Variants in HAS2 observed in about 807,000 individuals in gnomAD.
The protein encoded by HAS2 is HA synthase 2.
In HAS2, 16 loss-of-function variants were observed where a neutral mutation model predicts 51.6. That is an observed-to-expected ratio of 0.31 (90% CI 0.21 to 0.47). HAS2 has a LOEUF of 0.47. Among genes scored for constraint, HAS2 ranks in the 20% least tolerant of loss-of-function variants. HAS2 has a pLI of 1.00. For missense variants in HAS2, 361 were observed against 662.6 expected (o/e 0.54, Z 5.00); for synonymous variants, 228 against 235.5 (o/e 0.97, Z 0.29).
At chr8:121,633,493 C>G (rs1031594929) in intron 1 of HAS2, among the ~76,000 whole-genome samples, 1 of 152,110 alleles carries the variant, frequency 6.6e-6, no homozygotes, top group African/African-American at 2.4e-5. Flanking sequence ...GGCACTCACT[C>G]AAGTACAGAC....
rs1046274512 is a variant in HAS2 at position 121,612,951 on chromosome 8, A to G, written c.*1158T>C. On this transcript the variant is annotated 3_prime_UTR_variant, in exon 4 of 4. Coordinates refer to ENST00000303924, the MANE Select transcript of HAS2 (RefSeq NM_005328.3). ...GTAAAGTGAACTGGCAAGTTGAAAA[A>G]AAAAAAAAAGACAGGCAAAACATGT... 3.3e-5 allele frequency: 5 copies of G among 152,142 alleles called. No individual in the cohort carries two copies. The highest frequency in any genetic ancestry group is 2.6e-4 in the Admixed American group (4 of 15,276). 9.4% of individuals were successfully genotyped at this position (152,142 alleles called of 1,614,324 possible).
chr8:121,635,006 C>A (rs984797732), intron 1 of HAS2, among the ~76,000 whole-genome samples: 8 of 152,222 alleles, frequency 5.3e-5, no homozygotes, highest in Admixed American at 6.5e-5. Context: ...TCTATTAATC[C>A]ATATGCTGCT....
rs148768718 is a variant in HAS2, at chr8:121,628,840, G to A, written c.501C>T (p.Ser167=). Residue 167 remains serine, a synonymous_variant, in exon 2 of 4, where the codon AGC becomes AGT. Coordinates refer to ENST00000303924, the MANE Select transcript of HAS2 (RefSeq NM_005328.3). ...AGACCAATTGCGTTACGTGTTGCGAGCTTTCTTTATGTGACTCATCTGTCT... is the reference window on the plus strand; with the variant it reads ...AGACCAATTGCGTTACGTGTTGCGAACTTTCTTTATGTGACTCATCTGTCT... ...PGETDESHKE[S]SQHVTQLVLS... is the part of the protein sequence containing the mutation. 3.5e-5 allele frequency: 56 copies of A among 1,614,006 alleles called. No individual in the cohort carries two copies. The African/African-American group carries it at 6.8e-4, about 20-fold the overall frequency.
Position 121,629,130 on chromosome 8 carries a change from T to C in HAS2, c.211A>G (p.Met71Val), listed in dbSNP as rs1268387954. The C allele has an allele frequency of 1.9e-6, 3 of 1,614,108 alleles. No individual in the cohort carries two copies. The highest frequency in any genetic ancestry group is 1.1e-5 in the South Asian group (1 of 91,084). ...SLFAFLEHRKMKKSLETPIKL... is the reference protein window; with the variant it reads ...SLFAFLEHRKVKKSLETPIKL... ...ATGGGGGTTTCTAGGGATTTTTTCATTTTTCGGTGCTCCAAAAAGGCAAAC... is the reference window on the plus strand; with the variant it reads ...ATGGGGGTTTCTAGGGATTTTTTCACTTTTCGGTGCTCCAAAAAGGCAAAC... Residue 71 changes from methionine to valine, a missense_variant, in exon 2 of 4, where the codon ATG (methionine) becomes GTG (valine). Physicochemically the swap from Met to Val is conservative, Grantham distance 21. This residue lies in a region of HAS2 where 145 missense variants were observed against 217.6 expected (regional missense o/e 0.67). Coordinates refer to ENST00000303924, the MANE Select transcript of HAS2 (RefSeq NM_005328.3).
At chr8:121,615,116 T>C in intron 3 of HAS2, 78 bp from the exon 4 acceptor site, 2 of 908,568 alleles carry the variant, frequency 2.2e-6, no homozygotes, top group South Asian at 1.7e-5. Flanking sequence ...CTGAGGTTAC[T>C]ACCTGGAGTA....
At chr8:121,626,039 CAG>C (rs1407057038) in intron 2 of HAS2, among the ~76,000 whole-genome samples, 8 of 152,178 alleles carry the variant, frequency 5.3e-5, no homozygotes, top group African/African-American at 1.9e-4. Flanking sequence ...AAAGCTGAGA[CAG>C]AGTTAGAGCT....
At chr8:121,616,390 GATAT>G (rs1812701482) in intron 3 of HAS2, among the ~76,000 whole-genome samples, 1 of 150,186 alleles carries the variant, frequency 6.7e-6, no homozygotes, top group Non-Finnish European at 1.5e-5. Context: ...ATAGGTATAA[GATAT>G]ATACCAATTT....
chr8:121,619,481 C>T (rs1170281947), intron 2 of HAS2, among the ~76,000 whole-genome samples: 1 of 151,668 alleles, frequency 6.6e-6, no homozygotes, highest in Non-Finnish European at 1.5e-5. Flanking sequence ...TAAATGAAAC[C>T]CTATTGACTG....
chr8:121,629,116 T>C lies in HAS2; in HGVS notation c.225A>G (p.Leu75=), dbSNP rs1812895032. The C allele has an allele frequency of 1.2e-6, 2 of 1,614,040 alleles. No homozygotes were observed. Among genetic ancestry groups the C allele is most frequent in the Non-Finnish European group, 1.7e-6 (2 of 1,180,004 alleles). Residue 75 remains leucine (L), a synonymous_variant, in exon 2 of 4, where the codon CTA becomes CTG. Transcript: ENST00000303924. The part of the protein sequence containing the change: ...FLEHRKMKKS[L]ETPIKLNKTV... ...TTTTGTTCAACTTTATGGGGGTTTC[T>C]AGGGATTTTTTCATTTTTCGGTGCT...
chr8:121,633,936 A>T (rs1231239878), intron 1 of HAS2, among the ~76,000 whole-genome samples: 14 of 147,910 alleles, frequency 9.5e-5, no homozygotes, highest in Admixed American at 7.4e-4. Context: ...TTGAGACTGA[A>T]TTTCCCTCTT....
At chr8:121,624,655 A>G (rs1812817000) in intron 2 of HAS2, among the ~76,000 whole-genome samples, 1 of 152,234 alleles carries the variant, frequency 6.6e-6, no homozygotes, top group Admixed American at 6.5e-5. Flanking sequence ...GAAGATGTTC[A>G]TATTTGTTAT....
intron 1 of HAS2, among the ~76,000 whole-genome samples, chr8:121,636,967 C>T (rs1813017866): frequency 1.3e-5 from 2 of 152,200 alleles, no homozygotes; most frequent in African/African-American, 4.8e-5. Context: ...ATTCCATCCA[C>T]ACCCCTTATT....
intron 1 of HAS2, among the ~76,000 whole-genome samples, chr8:121,633,817 G>A (rs1812968250): frequency 6.6e-6 from 1 of 152,014 alleles, no homozygotes. Flanking sequence ...AGAGTGAAAT[G>A]TTGGATGAAA....
At chr8:121,617,285 A>T (rs1227678886) in intron 2 of HAS2, 79 bp from the exon 3 acceptor site, 29 of 793,036 alleles carry the variant, frequency 3.7e-5, no homozygotes, top group Non-Finnish European at 6.1e-5. Flanking sequence ...AATTTCACAT[A>T]CATACTGTGT....
chr8:121,617,204 A>C lies in HAS2; in HGVS notation c.630T>G (p.Val210=). 1 of 1,582,270 alleles carries C rather than the reference A, an allele frequency of 6.3e-7. No homozygotes were observed. Among genetic ancestry groups the C allele is most frequent in the Non-Finnish European group, 8.6e-7 (1 of 1,156,960 alleles). Residue 210 remains valine (V), a splice_region_variant and synonymous_variant, in exon 3 of 4, where the codon GTT becomes GTG. Transcript: ENST00000303924. ...ALGRSVDYVQ[V]CDSDTMLDPA... is the part of the protein sequence containing the mutation. ...GGTCAAGCATAGTGTCTGAATCACA[A>C]ACCTGCAAAGAAGCAAATGAAAAAT... is the stretch of plus-strand genomic sequence containing the variant.
Position 121,613,819 on chromosome 8 carries a change from T to G in HAS2, c.*290A>C, listed in dbSNP as rs1586500767. ...GATAACCCACATAAAGCATGGCTAG[T>G]GAGGTATATAGGGCAAAACACTTTC... On this transcript the variant is annotated 3_prime_UTR_variant, in exon 4 of 4. Coordinates refer to ENST00000303924, the MANE Select transcript of HAS2 (RefSeq NM_005328.3). The G allele has an allele frequency of 2.5e-6, 1 of 399,506 alleles. No individual in the cohort carries two copies. The highest frequency in any genetic ancestry group is 4.6e-6 in the Non-Finnish European group (1 of 216,564). The allele number at this position is 399,506 out of a possible 1,614,324, so 24.7% of individuals were successfully genotyped here.
At chr8:121,629,424 G>C (rs528060200) in intron 1 of HAS2, 84 bp from the exon 2 acceptor site, 3 of 1,080,386 alleles carry the variant, frequency 2.8e-6, no homozygotes, top group Non-Finnish European at 4.0e-6. Context: ...GAGAGTATTG[G>C]ACTAGAAGCA....
intron 3 of HAS2, among the ~76,000 whole-genome samples, chr8:121,616,569 G>A (rs994046372): frequency 6.6e-6 from 1 of 151,462 alleles, no homozygotes; most frequent in African/African-American, 2.4e-5. Flanking sequence ...CCAAGTAGCT[G>A]GGACTACAGT....
In HAS2 at chr8:121,637,390, CT is replaced by C. The variant is rs397728062; in HGVS notation, c.-1+3462del. Among the ~76,000 whole-genome samples the C allele has an allele frequency of 1.0e-3, 132 of 130,728 alleles. 1 individual carries two copies. The Middle Eastern group carries it at 0.017, about 17-fold the overall frequency. 85.8% of individuals were successfully genotyped at this position (130,728 alleles called of 152,430 possible). On this transcript the variant is annotated intron_variant, in intron 1 of 3. Coordinates refer to ENST00000303924, the MANE Select transcript of HAS2 (RefSeq NM_005328.3). ...CCACATGACTACCATTCAAAATAGA[CT>C]TTTTTTTTTTTTTTTTTGAGATAGA... is the stretch of plus-strand genomic sequence containing the variant.
Sources: allele counts gnomAD v4.1 joint callset (sites outside exome capture counted in the v4.1 genomes callset), GRCh38; gene constraint gnomAD v4.1.1; regional missense constraint gnomAD v4.1.1; transcripts MANE v1.5; gene names NCBI Gene and HGNC (gene_info 2026-07-23, HGNC 2026-07-21).